The following BCKDHB variants were observed in gnomAD, a reference collection of about 807,000 sequenced individuals.
BCKDHB encodes the protein 2-oxoisovalerate dehydrogenase subunit beta, mitochondrial.
Under a neutral mutation model 48.5 loss-of-function variants are expected in BCKDHB, and 41 were observed. The observed-to-expected ratio is 0.85, with a 90% CI of 0.66 to 1.10. The LOEUF is 1.10. Among genes scored for constraint, BCKDHB ranks in the 50% least tolerant of loss-of-function variants. The pLI is 0.00. For missense variants in BCKDHB, 496 were observed against 494.2 expected (o/e 1.00, Z -0.03); for synonymous variants, 201 against 174.8 (o/e 1.15, Z -1.18).
At chr6:80,200,703 TTTTG>T (rs1190538778) in intron 6 of BCKDHB, among the ~76,000 whole-genome samples, 1 of 152,194 alleles carries the variant, frequency 6.6e-6, no homozygotes. Context: ...AAGTTTATTT[TTTTG>T]TTCCAAGATA....
intron 8 of BCKDHB, among the ~76,000 whole-genome samples, chr6:80,214,071 T>G (rs1289739470): frequency 6.6e-6 from 1 of 152,050 alleles, no homozygotes; most frequent in African/African-American, 2.4e-5. Flanking sequence ...CTGGGGGAAC[T>G]GGATAATAGC....
At chr6:80,218,433 A>T (rs1465753919) in intron 8 of BCKDHB, among the ~76,000 whole-genome samples, 2 of 152,214 alleles carry the variant, frequency 1.3e-5, no homozygotes, top group African/African-American at 4.8e-5. Flanking sequence ...ACACATGCAT[A>T]TAGGTGTATA....
At chr6:80,133,832 G>A (rs552410635) in intron 3 of BCKDHB, among the ~76,000 whole-genome samples, 9 of 152,066 alleles carry the variant, frequency 5.9e-5, no homozygotes, top group Admixed American at 2.0e-4. Context: ...TAGTAGAGAC[G>A]GGGTTTCATC....
the BCKDHB span, among the ~76,000 whole-genome samples, chr6:80,452,728 G>A: frequency 6.6e-6 from 1 of 152,158 alleles, no homozygotes; most frequent in Non-Finnish European, 1.5e-5. Flanking sequence ...GGTGGGCATG[G>A]AGCACACTGG....
the BCKDHB span, among the ~76,000 whole-genome samples, chr6:80,455,865 C>T: frequency 6.6e-6 from 1 of 152,084 alleles, no homozygotes; most frequent in African/African-American, 2.4e-5. Flanking sequence ...AGACCATTGA[C>T]GTTGGAGAGC....
At chr6:80,255,514 GA>G (rs1268949607) in intron 8 of BCKDHB, among the ~76,000 whole-genome samples, 1 of 152,010 alleles carries the variant, frequency 6.6e-6, no homozygotes, top group Non-Finnish European at 1.5e-5. Context: ...GGAAAAAAAA[GA>G]AAAAAATTCG....
chr6:80,364,839 A>G, the BCKDHB span, among the ~76,000 whole-genome samples: 1 of 152,194 alleles, frequency 6.6e-6, no homozygotes, highest in Non-Finnish European at 1.5e-5. Context: ...CCCACCCCCA[A>G]TATTTCAACG....
At chr6:80,399,156 T>A in the BCKDHB span, among the ~76,000 whole-genome samples, 1 of 152,134 alleles carries the variant, frequency 6.6e-6, no homozygotes, top group African/African-American at 2.4e-5. Context: ...TCATACTCAA[T>A]GGACAAAAGC....
intron 6 of BCKDHB, among the ~76,000 whole-genome samples, chr6:80,198,744 G>A (rs1774245697): frequency 6.6e-6 from 1 of 152,176 alleles, no homozygotes; most frequent in Non-Finnish European, 1.5e-5. Flanking sequence ...TATTATATAT[G>A]CGTACACTAA....
intron 8 of BCKDHB, among the ~76,000 whole-genome samples, chr6:80,242,758 A>T (rs1776440554): frequency 6.6e-6 from 1 of 152,162 alleles, no homozygotes; most frequent in Admixed American, 6.5e-5. Context: ...GCTGGCTGTT[A>T]ACCAGGGTGG....
the BCKDHB span, among the ~76,000 whole-genome samples, chr6:80,413,695 A>C: frequency 6.6e-6 from 1 of 152,186 alleles, no homozygotes; most frequent in Admixed American, 6.5e-5. Context: ...TATCCAGTCT[A>C]CCATTGATGG....
intron 9 of BCKDHB, among the ~76,000 whole-genome samples, chr6:80,295,182 G>C (rs1767158378): frequency 6.6e-6 from 1 of 152,156 alleles, no homozygotes; most frequent in Admixed American, 6.5e-5. Context: ...TATATTGGGG[G>C]TGGGTTCCCT....
intron 8 of BCKDHB, among the ~76,000 whole-genome samples, chr6:80,245,086 AT>A (rs55850685): frequency 1.0e-4 from 15 of 149,816 alleles, no homozygotes; most frequent in African/African-American, 2.2e-4. Context: ...ATCTTCTGTG[AT>A]TTTTTTTTTA....
chr6:80,434,823 G>A, the BCKDHB span, among the ~76,000 whole-genome samples: 1 of 152,088 alleles, frequency 6.6e-6, no homozygotes, highest in Non-Finnish European at 1.5e-5. Flanking sequence ...TGAGCTCCAC[G>A]ACTTGTTCAG....
At chr6:80,397,566 A>G in the BCKDHB span, among the ~76,000 whole-genome samples, 7 of 152,152 alleles carry the variant, frequency 4.6e-5, no homozygotes, top group Non-Finnish European at 1.0e-4. Context: ...CTGCTTTTTA[A>G]AAAAATTAAC....
At chr6:80,443,539 G>T in the BCKDHB span, 1 of 152,178 alleles carries the variant, frequency 6.6e-6, no homozygotes, top group Non-Finnish European at 1.5e-5. Flanking sequence ...CACTGAGCAG[G>T]TAAGTTAACA....
intron 8 of BCKDHB, among the ~76,000 whole-genome samples, chr6:80,213,602 T>C (rs2127846355): frequency 6.6e-6 from 1 of 151,770 alleles, no homozygotes; most frequent in South Asian, 2.1e-4. Flanking sequence ...CAGTCTTCCC[T>C]CCCCCTCACT....
intron 9 of BCKDHB, among the ~76,000 whole-genome samples, chr6:80,284,634 A>G (rs1332869879): frequency 6.6e-6 from 1 of 152,120 alleles, no homozygotes; most frequent in African/African-American, 2.4e-5. Context: ...TATCAAAATT[A>G]TTAGCTGAAA....
intron 6 of BCKDHB, among the ~76,000 whole-genome samples, chr6:80,177,847 A>T (rs1420619679): frequency 6.6e-6 from 1 of 152,226 alleles, no homozygotes; most frequent in Non-Finnish European, 1.5e-5. Flanking sequence ...AACTTTAAAA[A>T]CAATTTACCT....
Sources: gnomAD v4.1 joint callset for allele counts (sites outside exome capture counted in the v4.1 genomes callset) on GRCh38, gnomAD v4.1.1 for gene constraint, MANE v1.5 for transcripts, NCBI Gene and HGNC (gene_info 2026-07-23, HGNC 2026-07-21) for gene names.